Variants in ALDH1A2 observed in about 807,000 individuals in gnomAD.
ALDH1A2 encodes aldehyde dehydrogenase 1 family member A2.
Under a neutral mutation model 60.3 loss-of-function variants are expected in ALDH1A2, and 27 were observed. That is an observed-to-expected ratio of 0.45 (90% CI 0.33 to 0.62). The LOEUF (loss-of-function observed/expected upper bound fraction) is 0.62, where lower values mean the gene tolerates loss of function less well. ALDH1A2 is among the 20% of genes least tolerant of loss of function. The probability of loss-of-function intolerance (pLI) is 0.02; values close to 1 mark genes in which losing one functional copy is unlikely to be tolerated. For missense variants in ALDH1A2, 581 were observed against 643.8 expected (o/e 0.90, Z 1.06); for synonymous variants, 289 against 232.4 (o/e 1.24, Z -2.21).
At chr15:58,058,181 A>T (rs1896942721) in intron 1 of ALDH1A2, 1 of 1,006,414 alleles carries the variant, frequency 9.9e-7, no homozygotes, top group South Asian at 1.4e-5. Flanking sequence ...TTCCCAGGCA[A>T]AGCCTTCCCC....
At chr15:57,980,832 T>C (rs1894475101) in intron 7 of ALDH1A2, among the ~76,000 whole-genome samples, 1 of 152,206 alleles carries the variant, frequency 6.6e-6, no homozygotes, top group Non-Finnish European at 1.5e-5. Flanking sequence ...TCTTTTTCTA[T>C]TGTTTGGAAT....
At chr15:57,980,260 C>T (rs1894445047) in intron 7 of ALDH1A2, 1 of 350,472 alleles carries the variant, frequency 2.9e-6, no homozygotes, top group Non-Finnish European at 5.8e-6. Flanking sequence ...TCTTGACCTT[C>T]CCTGCTAGGG....
intron 7 of ALDH1A2, among the ~76,000 whole-genome samples, chr15:57,974,896 T>C (rs1408225961): frequency 1.3e-5 from 2 of 152,198 alleles, no homozygotes; most frequent in African/African-American, 2.4e-5. Context: ...CAAACAACGC[T>C]TGTCTCCAAA....
intron 7 of ALDH1A2, among the ~76,000 whole-genome samples, chr15:57,992,374 T>A (rs1304010258): frequency 6.6e-6 from 1 of 152,226 alleles, no homozygotes; most frequent in Non-Finnish European, 1.5e-5. Flanking sequence ...TGTGTCTCCA[T>A]TCTTATCCTT....
intron 7 of ALDH1A2, among the ~76,000 whole-genome samples, chr15:57,991,234 T>TA: frequency 1.3e-5 from 2 of 152,220 alleles, no homozygotes; most frequent in Admixed American, 1.3e-4. Flanking sequence ...TCTTAGCATC[T>TA]AGCCTTTAGC....
intron 7 of ALDH1A2, among the ~76,000 whole-genome samples, chr15:57,970,636 T>TA (rs1425628518): frequency 3.3e-5 from 5 of 152,134 alleles, no homozygotes; most frequent in Non-Finnish European, 1.5e-5. Context: ...TAAAGTTGGG[T>TA]AAAATTTTTT....
chr15:57,978,270 C>T (rs1894343940), intron 7 of ALDH1A2, among the ~76,000 whole-genome samples: 1 of 152,116 alleles, frequency 6.6e-6, no homozygotes. Flanking sequence ...TTTCTTGTGC[C>T]AGTTTTCAAA....
At chr15:58,040,710 A>C (rs1896499854) in intron 1 of ALDH1A2, among the ~76,000 whole-genome samples, 1 of 151,964 alleles carries the variant, frequency 6.6e-6, no homozygotes, top group African/African-American at 2.4e-5. Flanking sequence ...AGGTAGTAGA[A>C]ATAATATAAA....
intron 1 of ALDH1A2, among the ~76,000 whole-genome samples, chr15:58,047,450 TCTC>T (rs1896664093): frequency 6.6e-6 from 1 of 151,954 alleles, no homozygotes; most frequent in African/African-American, 2.4e-5. Flanking sequence ...ATGGTAGTTA[TCTC>T]CTTTTACATG....
At chr15:58,023,362 A>G (rs1401470905) in intron 1 of ALDH1A2, among the ~76,000 whole-genome samples, 4 of 152,242 alleles carry the variant, frequency 2.6e-5, no homozygotes, top group Non-Finnish European at 5.9e-5. Flanking sequence ...TTTACAAATT[A>G]TTAGTATAAT....
rs781287721 is a variant in ALDH1A2 at position 57,961,153 on chromosome 15, G to T, written c.1393C>A (p.Gln465Lys). Reference protein sequence around the residue: ...NKALTVSSAMQAGTVWINCYN... With the variant: ...NKALTVSSAMKAGTVWINCYN... ...TGATCTTACCAAACAGTCCCAGCTT[G>T]CATTGCAGAAGACACTGTGAGGGCC... The change falls in exon 11 of 13, where the codon CAA (glutamine) becomes AAA (lysine). Residue 465 changes from glutamine to lysine, a missense_variant. Physicochemically the swap from Gln to Lys is moderately conservative, Grantham distance 53. Transcript: ENST00000249750. The T allele has an allele frequency of 6.2e-7, 1 of 1,614,076 alleles. No individual in the cohort carries two copies. Among genetic ancestry groups the T allele is most frequent in the Non-Finnish European group, 8.5e-7 (1 of 1,179,996 alleles).
intron 1 of ALDH1A2, among the ~76,000 whole-genome samples, chr15:58,019,305 C>A (rs894305824): frequency 4.6e-5 from 7 of 151,960 alleles, no homozygotes; most frequent in Admixed American, 2.0e-4. Context: ...TAAAATAAGC[C>A]ACTCAAGCTC....
intron 1 of ALDH1A2, 168 bp from the exon 2 acceptor site, chr15:58,014,449 T>C (rs1895732396): frequency 1.5e-6 from 1 of 683,804 alleles, no homozygotes; most frequent in African/African-American, 1.8e-5. Context: ...TTTAGGAATT[T>C]CCTCTATATT....
intron 1 of ALDH1A2, among the ~76,000 whole-genome samples, chr15:58,056,046 G>A (rs1388467804): frequency 1.3e-5 from 2 of 152,062 alleles, no homozygotes; most frequent in Non-Finnish European, 2.9e-5. Context: ...CAGCGCGAGC[G>A]CACATGAGCA....
intron 9 of ALDH1A2, among the ~76,000 whole-genome samples, chr15:57,963,334 A>T (rs1008909361): frequency 6.7e-6 from 1 of 149,366 alleles, no homozygotes; most frequent in African/African-American, 2.5e-5. Flanking sequence ...TTAGTCCCAA[A>T]GGTCAGAATA....
At chr15:58,036,040 A>G (rs1214184730) in intron 1 of ALDH1A2, among the ~76,000 whole-genome samples, 1 of 151,730 alleles carries the variant, frequency 6.6e-6, no homozygotes, top group Non-Finnish European at 1.5e-5. Context: ...ATGCAAGGAT[A>G]GCTCTTACTA....
At chr15:57,958,497 C>T (rs1893614858) in intron 12 of ALDH1A2, among the ~76,000 whole-genome samples, 1 of 152,162 alleles carries the variant, frequency 6.6e-6, no homozygotes, top group African/African-American at 2.4e-5. Context: ...GAGGGCAGCC[C>T]TCCCCACAGC....
chr15:57,966,350 G>A (rs1284129050), intron 7 of ALDH1A2, among the ~76,000 whole-genome samples: 1 of 152,188 alleles, frequency 6.6e-6, no homozygotes, highest in African/African-American at 2.4e-5. Context: ...CCAGACAGTT[G>A]AGAATCTCTC....
At chr15:57,963,346 T>TC (rs1173266708) in intron 9 of ALDH1A2, among the ~76,000 whole-genome samples, 35 of 128,950 alleles carry the variant, frequency 2.7e-4, no homozygotes, top group Non-Finnish European at 6.1e-4. Flanking sequence ...GTCAGAATAT[T>TC]CTTTTTTTTT....
Sources: allele counts gnomAD v4.1 joint callset (sites outside exome capture counted in the v4.1 genomes callset), GRCh38; gene constraint gnomAD v4.1.1; transcripts MANE v1.5; gene names NCBI Gene and HGNC (gene_info 2026-07-23, HGNC 2026-07-21).